Variants in ASIC2 observed in about 807,000 individuals in gnomAD.
ASIC2 encodes the protein acid-sensing ion channel 2.
ASIC2 carries 25 observed loss-of-function variants against 57.3 expected under a neutral mutation model. That is an observed-to-expected ratio of 0.44 (90% CI 0.32 to 0.61). The LOEUF (loss-of-function observed/expected upper bound fraction) is 0.61. ASIC2 is among the 20% of genes least tolerant of loss of function. The pLI, the probability that ASIC2 is intolerant of heterozygous loss-of-function variation, is 0.06. For missense variants in ASIC2, 641 were observed against 738.1 expected, an observed-to-expected ratio of 0.87 and a Z score of 1.52; for synonymous variants, 319 against 307.5, an observed-to-expected ratio of 1.04 and a Z score of -0.39.
chr17:33,492,555 GC>G (rs1207523899), intron 1 of ASIC2, among the ~76,000 whole-genome samples: 1 of 152,150 alleles, frequency 6.6e-6, no homozygotes, highest in African/African-American at 2.4e-5. Context: ...CCTTCCTCTT[GC>G]CCAGGGTCAC....
At chr17:33,929,311 C>G (rs1215972883) in intron 1 of ASIC2, among the ~76,000 whole-genome samples, 2 of 152,204 alleles carry the variant, frequency 1.3e-5, no homozygotes, top group East Asian at 3.9e-4. Flanking sequence ...TAGGTTAGTG[C>G]TCACTCCCAA....
At position 33,292,485 on chromosome 17, in the gene ASIC2, C is replaced by G; in HGVS notation, c.-370G>C. Reference sequence around the variant, plus strand: ...TCCCTGGGTGCTGCGCCCGCCTTCCCTCGTCCTGGACCTCGGGGGACCCTG... The same window carrying G: ...TCCCTGGGTGCTGCGCCCGCCTTCCGTCGTCCTGGACCTCGGGGGACCCTG... On this transcript the variant is annotated 5_prime_UTR_variant, in exon 1 of 10. Coordinates refer to ENST00000225823, the MANE Select transcript of ASIC2 (RefSeq NM_183377.2). The G allele has an allele frequency of 1.0e-6, 1 of 985,772 alleles. No homozygotes were observed. The highest frequency in any genetic ancestry group is 1.2e-6 in the Non-Finnish European group (1 of 830,260). The allele number at this position is 985,772 out of a possible 1,614,324, so 61.1% of individuals were successfully genotyped here.
chr17:33,966,892 C>G (rs949364258), intron 1 of ASIC2, among the ~76,000 whole-genome samples: 1 of 152,184 alleles, frequency 6.6e-6, no homozygotes, highest in Non-Finnish European at 1.5e-5. Flanking sequence ...CGTTTCCATA[C>G]AGGTCTCCAT....
intron 1 of ASIC2, among the ~76,000 whole-genome samples, chr17:33,226,835 T>C (rs1408606003): frequency 2.6e-5 from 4 of 152,238 alleles, no homozygotes; most frequent in African/African-American, 4.8e-5. Context: ...GTCTCATGTG[T>C]AATTTCAAAT....
At chr17:34,025,339 C>CA (rs113368016) in intron 1 of ASIC2, among the ~76,000 whole-genome samples, 7,616 of 152,248 alleles carry the variant, frequency 0.05, 620 homozygotes, top group African/African-American at 0.17. Flanking sequence ...TGCTGTGTGC[C>CA]AAAATGGTGC....
intron 1 of ASIC2, among the ~76,000 whole-genome samples, chr17:34,019,487 A>G (rs1567789941): frequency 6.6e-6 from 1 of 152,184 alleles, no homozygotes. Context: ...TTCAGCAACT[A>G]CCACCCTCCT....
At chr17:33,162,305 T>C (rs1345505728) in intron 1 of ASIC2, among the ~76,000 whole-genome samples, 1 of 152,184 alleles carries the variant, frequency 6.6e-6, no homozygotes, top group Non-Finnish European at 1.5e-5. Flanking sequence ...GAATAAGGGA[T>C]GCTCAGATGA....
At chr17:33,350,365 G>A (rs1368476046) in intron 1 of ASIC2, among the ~76,000 whole-genome samples, 1 of 152,140 alleles carries the variant, frequency 6.6e-6, no homozygotes, top group African/African-American at 2.4e-5. Context: ...GCATTTTAGA[G>A]CTTTTCTGAA....
chr17:33,599,808 G>T (rs960412829), intron 1 of ASIC2, among the ~76,000 whole-genome samples: 1 of 152,132 alleles, frequency 6.6e-6, no homozygotes, highest in Non-Finnish European at 1.5e-5. Context: ...TTGCATCCTT[G>T]CTCCTCTGGG....
At chr17:33,801,854 T>C (rs1193987984) in intron 1 of ASIC2, among the ~76,000 whole-genome samples, 1 of 152,198 alleles carries the variant, frequency 6.6e-6, no homozygotes, top group Non-Finnish European at 1.5e-5. Context: ...GTGCCTACTG[T>C]ACCGGACAGC....
intron 3 of ASIC2, among the ~76,000 whole-genome samples, chr17:33,080,876 G>T (rs904365463): frequency 7.9e-5 from 12 of 152,080 alleles, no homozygotes; most frequent in Admixed American, 7.2e-4. Flanking sequence ...ATTTCATCAC[G>T]CTGTTCAGAA....
intron 1 of ASIC2, among the ~76,000 whole-genome samples, chr17:33,246,489 C>T (rs932400006): frequency 6.6e-6 from 1 of 152,154 alleles, no homozygotes; most frequent in Non-Finnish European, 1.5e-5. Context: ...TAATAAAGCC[C>T]AGGTAGGCCT....
At chr17:33,971,991 T>C (rs1905239923) in intron 1 of ASIC2, among the ~76,000 whole-genome samples, 1 of 152,172 alleles carries the variant, frequency 6.6e-6, no homozygotes. Context: ...CTAAGTGCTT[T>C]CCCATTTGTA....
intron 1 of ASIC2, among the ~76,000 whole-genome samples, chr17:33,413,438 CCTAA>C (rs1358061326): frequency 1.3e-5 from 2 of 152,336 alleles, no homozygotes; most frequent in East Asian, 1.9e-4. Context: ...AATTTTACCT[CCTAA>C]CTATCTCTCC....
intron 1 of ASIC2, among the ~76,000 whole-genome samples, chr17:34,099,168 G>C (rs1367355600): frequency 1.5e-4 from 1 of 6,760 alleles, no homozygotes; most frequent in African/African-American, 2.9e-4. Flanking sequence ...GAGAGAGAAA[G>C]AAAGAAAGAA....
intron 1 of ASIC2, among the ~76,000 whole-genome samples, chr17:33,320,391 C>G (rs775084718): frequency 4.6e-5 from 7 of 152,132 alleles, no homozygotes; most frequent in Non-Finnish European, 1.0e-4. Context: ...CTCTTGGTGC[C>G]TCACTCTTAC....
At chr17:33,464,731 A>G (rs1268844967) in intron 1 of ASIC2, among the ~76,000 whole-genome samples, 1 of 145,754 alleles carries the variant, frequency 6.9e-6, no homozygotes, top group African/African-American at 2.6e-5. Context: ...AACATTATCA[A>G]ATAAGTGCCT....
chr17:33,682,780 C>T (rs1908051739), intron 1 of ASIC2, among the ~76,000 whole-genome samples: 1 of 152,184 alleles, frequency 6.6e-6, no homozygotes, highest in Non-Finnish European at 1.5e-5. Context: ...CTTCCAGCCT[C>T]TCCAGCCTGC....
At chr17:33,149,422 G>A (rs1904695145) in intron 1 of ASIC2, among the ~76,000 whole-genome samples, 1 of 152,138 alleles carries the variant, frequency 6.6e-6, no homozygotes, top group South Asian at 2.1e-4. Context: ...TCTTCTGTAG[G>A]TGGACCATAA....
Sources: allele counts gnomAD v4.1 joint callset (sites outside exome capture counted in the v4.1 genomes callset), GRCh38; gene constraint gnomAD v4.1.1; transcripts MANE v1.5; gene names NCBI Gene and HGNC (gene_info 2026-07-23, HGNC 2026-07-21).